The following FAM13A variants were observed in gnomAD, a reference collection of about 807,000 sequenced individuals.
The protein encoded by FAM13A is family with sequence similarity 13 member A.
A neutral mutation model predicts 129.6 loss-of-function variants in FAM13A; 76 were observed. That is an observed-to-expected ratio of 0.59 (90% CI 0.49 to 0.71). The LOEUF (loss-of-function observed/expected upper bound fraction) is 0.71. Ranked by LOEUF, FAM13A falls within the 30% of genes least tolerant of loss-of-function variation. The pLI, the probability that FAM13A is intolerant of heterozygous loss-of-function variation, is 0.00. For synonymous variants in FAM13A, 443 were observed against 449.9 expected, an observed-to-expected ratio of 0.98 and a Z score of 0.20; for missense variants, 1,108 against 1,249.3, an observed-to-expected ratio of 0.89 and a Z score of 1.70.
intron 3 of FAM13A, among the ~76,000 whole-genome samples, chr4:89,013,105 G>T (rs1765944041): frequency 6.6e-6 from 1 of 151,976 alleles, no homozygotes. Context: ...TCAACTATGT[G>T]TAAAGAGTTT....
At position 88,787,827 on chromosome 4, in the gene FAM13A, T is replaced by A; in HGVS notation, c.1197A>T (p.Ala399=). The A allele has an allele frequency of 1.2e-6, 2 of 1,613,706 alleles. No individual in the cohort carries two copies. Among genetic ancestry groups the A allele is most frequent in the South Asian group, 2.2e-5 (2 of 91,058 alleles). The change falls in exon 10 of 24, where the codon GCA becomes GCT. Residue 399 remains alanine (A), a synonymous_variant. Coordinates refer to ENST00000264344, the MANE Select transcript of FAM13A (RefSeq NM_014883.4). ...GCTGTCTGGCAGATGTGGCAGAAGATGCTGATAGTGTTCCAGATTCTGAGT... is the reference window on the plus strand; with the variant it reads ...GCTGTCTGGCAGATGTGGCAGAAGAAGCTGATAGTGTTCCAGATTCTGAGT... ...SEDSESGTLS[A]SSATSARQRR...
rs570689270 is a variant in FAM13A at position 88,728,282 on chromosome 4, C to T, written c.*251G>A. On this transcript the variant is annotated 3_prime_UTR_variant, in exon 24 of 24. Transcript: ENST00000264344. ...TACTGTGTGTGTGTGTGCGTGCATG[C>T]GCGTGCGCATGTGCACATACTGCAG... 1.1e-4 allele frequency: 61 copies of T among 532,184 alleles called. No individual in the cohort carries two copies. Among genetic ancestry groups the T allele is most frequent in the Middle Eastern group, 5.2e-4 (1 of 1,924 alleles). The allele number at this position is 532,184 out of a possible 1,614,324, so 33.0% of individuals were successfully genotyped here.
chr4:88,786,055 TA>T (rs1296073694), intron 10 of FAM13A, among the ~76,000 whole-genome samples: 3 of 152,164 alleles, frequency 2.0e-5, no homozygotes, highest in African/African-American at 7.2e-5. Flanking sequence ...ACAATCAAGA[TA>T]ACTTATGCAA....
At chr4:88,852,160 CTTTT>C (rs369275871) in intron 6 of FAM13A, among the ~76,000 whole-genome samples, 2 of 138,144 alleles carry the variant, frequency 1.4e-5, no homozygotes, top group Non-Finnish European at 3.2e-5. Context: ...AACTTCAGGT[CTTTT>C]TTTTTTTTTT....
chr4:88,909,947 C>T (rs903956557), intron 5 of FAM13A, among the ~76,000 whole-genome samples: 8 of 152,152 alleles, frequency 5.3e-5, no homozygotes, highest in Admixed American at 6.5e-5. Context: ...ATGTAAAGAA[C>T]GTTCCCACAT....
At chr4:88,953,997 C>T (rs567792415) in intron 4 of FAM13A, among the ~76,000 whole-genome samples, 1 of 152,158 alleles carries the variant, frequency 6.6e-6, no homozygotes, top group Admixed American at 6.5e-5. Flanking sequence ...TCAGCCTCTA[C>T]CCAAACCAAA....
intron 3 of FAM13A, among the ~76,000 whole-genome samples, chr4:89,013,572 G>T (rs1254503222): frequency 6.6e-6 from 1 of 151,986 alleles, no homozygotes; most frequent in African/African-American, 2.4e-5. Flanking sequence ...GATTATAATG[G>T]AGCTGAAAAA....
intron 4 of FAM13A, among the ~76,000 whole-genome samples, chr4:88,950,081 T>C (rs151190072): frequency 6.6e-4 from 100 of 152,348 alleles, no homozygotes; most frequent in African/African-American, 2.2e-3. Flanking sequence ...AAAAGTTTTA[T>C]ACTGGATAAC....
rs550112023 is a variant in FAM13A at position 88,787,986 on chromosome 4, C to G, written c.1092-54G>C. The stretch of plus-strand genomic sequence containing the variant: ...AGCAGTCAAGTTCATCAGTGATCAC[C>G]TTAAAAAATCTGTGCCTACAGTTTT... On this transcript the variant is annotated intron_variant, in intron 9 of 23. Transcript: ENST00000264344. 5.5e-6 allele frequency: 8 copies of G among 1,442,620 alleles called. No homozygotes were observed. The African/African-American group carries it at 1.0e-4, about 18-fold the overall frequency. 89.4% of individuals were successfully genotyped at this position (1,442,620 alleles called of 1,614,324 possible). A position where few individuals can be genotyped will look rare whatever the true frequency, so the allele number is the denominator to read the frequency against.
At chr4:89,044,940 T>C (rs925324967) in intron 1 of FAM13A, among the ~76,000 whole-genome samples, 4 of 152,016 alleles carry the variant, frequency 2.6e-5, no homozygotes, top group Non-Finnish European at 4.4e-5. Flanking sequence ...TAGGAAGTTA[T>C]TGTTTTATGG....
At chr4:88,766,940 G>A (rs6824205) in intron 13 of FAM13A, among the ~76,000 whole-genome samples, 13,142 of 152,212 alleles carry the variant, frequency 0.086, 979 homozygotes, top group East Asian at 0.3. Flanking sequence ...TAAAAATGAT[G>A]CTCAGCACAC....
At chr4:88,983,856 AAAG>A (rs1287332167) in intron 4 of FAM13A, among the ~76,000 whole-genome samples, 8 of 152,212 alleles carry the variant, frequency 5.3e-5, no homozygotes, top group East Asian at 1.9e-4. Flanking sequence ...ATAATTCTGA[AAAG>A]AAGAACAAAC....
intron 7 of FAM13A, chr4:88,822,870 C>T: frequency 1.3e-6 from 2 of 1,517,428 alleles, no homozygotes; most frequent in Non-Finnish European, 1.8e-6. Context: ...GGACTCTACA[C>T]ACTTTGCAGC....
intron 19 of FAM13A, among the ~76,000 whole-genome samples, chr4:88,742,466 A>G (rs1452977032): frequency 1.3e-5 from 2 of 152,362 alleles, no homozygotes; most frequent in Admixed American, 1.3e-4. Context: ...AACCATTGTC[A>G]TTTAACAGAA....
chr4:88,892,372 G>A (rs527562101), intron 6 of FAM13A, among the ~76,000 whole-genome samples: 246 of 151,896 alleles, frequency 1.6e-3, no homozygotes, highest in African/African-American at 5.6e-3. Context: ...GTAGAGATGG[G>A]GTTTCACCAT....
intron 5 of FAM13A, among the ~76,000 whole-genome samples, chr4:88,917,694 T>C (rs1399531088): frequency 6.6e-6 from 1 of 152,218 alleles, no homozygotes; most frequent in Non-Finnish European, 1.5e-5. Context: ...CCTCAGATGC[T>C]TAAAGGACTT....
In FAM13A at chr4:88,800,420, C is replaced by T. The variant is rs549119697; in HGVS notation, c.1049+4591G>A. Among the ~76,000 whole-genome samples the T allele has an allele frequency of 3.5e-4, 54 of 152,210 alleles. No homozygotes were observed. In the South Asian group the frequency reaches 0.011, roughly 30 times the overall value. On this transcript the variant is annotated intron_variant, in intron 8 of 23. Transcript: ENST00000264344. ...ACTATTCTGGCCAGGCGCGGTGGCT[C>T]GCACCTGTAATCCCAGCACTTTGGG... is the stretch of plus-strand genomic sequence containing the variant.
chr4:88,798,543 A>G (rs1310907707), intron 8 of FAM13A, among the ~76,000 whole-genome samples: 1 of 152,180 alleles, frequency 6.6e-6, no homozygotes, highest in Non-Finnish European at 1.5e-5. Context: ...AGCAGAAGAG[A>G]GCCAAGTCAG....
intron 7 of FAM13A, among the ~76,000 whole-genome samples, chr4:88,844,862 C>T (rs1736385759): frequency 6.6e-6 from 1 of 152,040 alleles, no homozygotes; most frequent in Admixed American, 6.6e-5. Context: ...AGTTGGCTGG[C>T]TATGACTGGA....
Sources: allele counts gnomAD v4.1 joint callset (sites outside exome capture counted in the v4.1 genomes callset), GRCh38; gene constraint gnomAD v4.1.1; transcripts MANE v1.5; gene names NCBI Gene and HGNC (gene_info 2026-07-23, HGNC 2026-07-21).